The following DLG5 variants were observed in gnomAD, a reference collection of about 807,000 sequenced individuals.
DLG5 encodes discs large MAGUK scaffold protein 5.
A neutral mutation model predicts 189.8 loss-of-function variants in DLG5; 48 were observed. The observed-to-expected ratio is 0.25, with a 90% CI of 0.20 to 0.32. The LOEUF (loss-of-function observed/expected upper bound fraction) is 0.32. Among genes scored for constraint, DLG5 ranks in the 10% least tolerant of loss-of-function variants. The pLI is 1.00. For synonymous variants in DLG5, 1,016 were observed against 1,054.1 expected, an observed-to-expected ratio of 0.96 and a Z score of 0.70; for missense variants, 2,160 against 2,544.7, an observed-to-expected ratio of 0.85 and a Z score of 3.25.
intron 1 of DLG5, among the ~76,000 whole-genome samples, chr10:77,895,829 G>A (rs1326586117): frequency 6.6e-6 from 1 of 152,122 alleles, no homozygotes; most frequent in Non-Finnish European, 1.5e-5. Context: ...GGCCAACATG[G>A]TGAAACCCCA....
chr10:77,834,774 C>A (rs955734004), intron 8 of DLG5, among the ~76,000 whole-genome samples: 1 of 152,108 alleles, frequency 6.6e-6, no homozygotes, highest in African/African-American at 2.4e-5. Flanking sequence ...TGGAGACACC[C>A]GTGGAAGGGG....
chr10:77,934,384 A>G, the DLG5 span, among the ~76,000 whole-genome samples: 4 of 151,662 alleles, frequency 2.6e-5, no homozygotes, highest in Non-Finnish European at 4.4e-5. Context: ...AAAAAAAAAA[A>G]AAAAGAAAAG....
intron 2 of DLG5, among the ~76,000 whole-genome samples, chr10:77,865,759 T>C (rs117290693): frequency 6.6e-6 from 1 of 152,036 alleles, no homozygotes; most frequent in Admixed American, 6.5e-5. Flanking sequence ...GGAAGCTGTG[T>C]GTGCTTAGCT....
chr10:77,846,011 G>A (rs1272012), intron 5 of DLG5, among the ~76,000 whole-genome samples: 38,330 of 150,290 alleles, frequency 0.26, 5,452 homozygotes, highest in Admixed American at 0.39. Context: ...TTGGGAAGCC[G>A]AGGTAGGCGG....
intron 5 of DLG5, among the ~76,000 whole-genome samples, chr10:77,847,621 A>G (rs1350285560): frequency 1.3e-5 from 2 of 152,152 alleles, no homozygotes; most frequent in Non-Finnish European, 1.5e-5. Flanking sequence ...TCAGAGGATT[A>G]TGTTCTTGGT....
intron 5 of DLG5, chr10:77,846,858 C>A (rs1225690124): frequency 2.5e-6 from 1 of 393,926 alleles, no homozygotes; most frequent in Non-Finnish European, 5.0e-6. Context: ...AGCCAACGCT[C>A]TCCTGCAGCG....
intron 31 of DLG5, 180 bp downstream of exon 31, chr10:77,793,828 G>A: frequency 3.3e-6 from 2 of 613,638 alleles, no homozygotes; most frequent in Admixed American, 5.7e-5. Context: ...CAACCTGTAA[G>A]AATCCTGACG....
chr10:77,851,796 G>A (rs1034720139), intron 5 of DLG5, among the ~76,000 whole-genome samples: 8 of 152,232 alleles, frequency 5.3e-5, no homozygotes, highest in African/African-American at 1.9e-4. Context: ...ATTGGAATAT[G>A]GAATACTCCT....
rs374386946 is a variant in DLG5, at chr10:77,807,245, G to A, written c.4797-317C>T. ...TCCTCGAAGCCCAGGCCCGGCCCCT[G>A]GTTCCTACAGACTGGAATCTCTCTA... is the stretch of plus-strand genomic sequence containing the variant. On this transcript the variant is annotated intron_variant, in intron 25 of 31. Coordinates refer to ENST00000372391, the MANE Select transcript of DLG5 (RefSeq NM_004747.4). Among the ~76,000 whole-genome samples the A allele has an allele frequency of 5.9e-5, 9 of 152,128 alleles. No individual in the cohort carries two copies. In the East Asian group the frequency reaches 1.5e-3, roughly 26 times the overall value.
chr10:77,876,165 T>TG (rs1845080957), intron 1 of DLG5, among the ~76,000 whole-genome samples: 1 of 151,552 alleles, frequency 6.6e-6, no homozygotes, highest in African/African-American at 2.4e-5. Context: ...GCAGCATCAC[T>TG]GCGCTAAAAA....
At position 77,812,085 on chromosome 10, in the gene DLG5, G is replaced by T. The variant is rs41274582; in HGVS notation, c.4189-28C>A. 9,315 of 1,605,468 alleles carry T rather than the reference G, an allele frequency of 5.8e-3. 40 individuals carry two copies. Among genetic ancestry groups the T allele is most frequent in the Non-Finnish European group, 7.0e-3 (8,272 of 1,179,018 alleles). On this transcript the variant is annotated intron_variant, in intron 21 of 31. Coordinates refer to ENST00000372391, the MANE Select transcript of DLG5 (RefSeq NM_004747.4). ...GGGGAAACACCAGGATGGGCTCAGT[G>T]GGGGGGTCGGGGCTGTGGACAGGGA...
chr10:77,923,185 G>A (rs1177091702), intron 1 of DLG5, among the ~76,000 whole-genome samples: 1 of 152,248 alleles, frequency 6.6e-6, no homozygotes, highest in Non-Finnish European at 1.5e-5. Context: ...GGAGCCAGCT[G>A]GTTCCTCTCT....
chr10:77,911,608 G>C (rs1333187557), intron 1 of DLG5, among the ~76,000 whole-genome samples: 1 of 152,052 alleles, frequency 6.6e-6, no homozygotes, highest in Admixed American at 6.6e-5. Context: ...TTAGAGCCAG[G>C]GAGGTACCAT....
In DLG5 at chr10:77,926,236, C is replaced by T. The variant is rs2131888859; in HGVS notation, c.285G>A (p.Pro95=). Residue 95 remains proline (P), a synonymous_variant, in exon 1 of 32, where the codon CCG becomes CCA. Coordinates refer to ENST00000372391, the MANE Select transcript of DLG5 (RefSeq NM_004747.4). This position sits in a 1 kb window ranked among gnomAD's most constrained non-coding sequence, Gnocchi z 5.2. ...ACTCACCCGCGCCTTCGGCGGGCTG[C>T]GGCGGCCCGACGACGCCGTTCAGGT... ...ILYLNGVVGP[P]QPAEGAGSTY... is the part of the protein sequence containing the mutation. 4.0e-6 allele frequency: 6 copies of T among 1,507,848 alleles called. No homozygotes were observed. Among genetic ancestry groups the T allele is most frequent in the African/African-American group, 1.4e-5 (1 of 70,616 alleles). 93.4% of individuals were successfully genotyped at this position (1,507,848 alleles called of 1,614,324 possible).
Position 77,841,931 on chromosome 10 carries a change from T to C in DLG5, c.1387A>G (p.Ser463Gly). The change falls in exon 7 of 32, where the codon AGC becomes GGC. Residue 463 changes from serine to glycine, a missense_variant. Ser to Gly is a moderately conservative substitution (Grantham distance 56). This residue lies in a region of DLG5 where 664 missense variants were observed against 838.5 expected (regional missense o/e 0.79). Coordinates refer to ENST00000372391, the MANE Select transcript of DLG5 (RefSeq NM_004747.4). Reference protein sequence around the residue: ...VELAESKLKSSTSEKKAANEE... With the variant: ...VELAESKLKSGTSEKKAANEE... ...TTGGCCGCCTTCTTCTCAGATGTGC[T>C]GCTCTTGAGCTTGGACTCGGCCAGC... is the stretch of plus-strand genomic sequence containing the variant. 1 of 1,613,818 alleles carries C rather than the reference T, an allele frequency of 6.2e-7. No individual in the cohort carries two copies. The highest frequency in any genetic ancestry group is 8.5e-7 in the Non-Finnish European group (1 of 1,179,792).
chr10:77,861,384 G>T (rs1450101219), intron 2 of DLG5, among the ~76,000 whole-genome samples: 1 of 152,206 alleles, frequency 6.6e-6, no homozygotes, highest in African/African-American at 2.4e-5. Flanking sequence ...GGGGAGACAA[G>T]AAATTTTGAA....
chr10:77,811,791 A>G, intron 22 of DLG5, 133 bp downstream of exon 22: 2 of 1,311,112 alleles, frequency 1.5e-6, no homozygotes, highest in South Asian at 3.1e-5. Flanking sequence ...AGGGCTGGTC[A>G]ACTCTCTCTT....
At chr10:77,934,933 C>T in the DLG5 span, among the ~76,000 whole-genome samples, 17 of 149,882 alleles carry the variant, frequency 1.1e-4, no homozygotes, top group Non-Finnish European at 1.3e-4. Flanking sequence ...TCTTGGCTCA[C>T]TGCAAGCTCC....
intron 1 of DLG5, among the ~76,000 whole-genome samples, chr10:77,886,970 A>G (rs1458847466): frequency 6.6e-6 from 1 of 152,214 alleles, no homozygotes; most frequent in Non-Finnish European, 1.5e-5. Context: ...TTGGACTTCC[A>G]GCCTCCAGAA....
Sources: gnomAD v4.1 joint callset for allele counts (sites outside exome capture counted in the v4.1 genomes callset) on GRCh38, gnomAD v4.1.1 for gene constraint, gnomAD v4.1.1 regional missense constraint, Gnocchi (gnomAD v3.1) non-coding constraint, MANE v1.5 for transcripts, NCBI Gene and HGNC (gene_info 2026-07-23, HGNC 2026-07-21) for gene names.